LRRC28: variants seen among roughly 807,000 people sequenced by gnomAD.
LRRC28 encodes the protein leucine-rich repeat-containing protein 28.
In LRRC28, 39 loss-of-function variants were observed where a neutral mutation model predicts 45.7. The observed-to-expected ratio is 0.85, with a 90% confidence interval of 0.66 to 1.12. The LOEUF is 1.12. Ranked by LOEUF, LRRC28 falls within the 50% of genes most tolerant of loss-of-function variation. The pLI, the probability that LRRC28 is intolerant of heterozygous loss-of-function variation, is 0.00. For synonymous variants in LRRC28, 206 were observed against 178.8 expected (o/e 1.15, Z -1.22); for missense variants, 435 against 438.5 (o/e 0.99, Z 0.07).
intron 6 of LRRC28, among the ~76,000 whole-genome samples, chr15:99,339,702 GCAA>G (rs1956441606): frequency 6.7e-6 from 1 of 148,176 alleles, no homozygotes; most frequent in East Asian, 1.9e-4. Flanking sequence ...TCCAGCCTGA[GCAA>G]CAGAGTGAGA....
intron 2 of LRRC28, among the ~76,000 whole-genome samples, chr15:99,271,381 C>T (rs1441578829): frequency 5.4e-5 from 8 of 149,422 alleles, no homozygotes; most frequent in Non-Finnish European, 7.4e-5. Context: ...TGGGTTCAAG[C>T]GATTCTCCTG....
chr15:99,269,807 T>C (rs1023565637), intron 2 of LRRC28, among the ~76,000 whole-genome samples: 14 of 152,200 alleles, frequency 9.2e-5, no homozygotes, highest in Non-Finnish European at 1.8e-4. Context: ...TCTGCCATAT[T>C]GGACAACACA....
chr15:99,315,998 T>C (rs1012579794), intron 5 of LRRC28, among the ~76,000 whole-genome samples: 2 of 152,210 alleles, frequency 1.3e-5, no homozygotes, highest in African/African-American at 4.8e-5. Context: ...AAAAGCATCA[T>C]ACATTTTAAA....
intron 5 of LRRC28, among the ~76,000 whole-genome samples, chr15:99,297,508 C>G (rs2082296891): frequency 1.3e-5 from 2 of 150,286 alleles, no homozygotes; most frequent in Admixed American, 6.6e-5. Flanking sequence ...AAGTGATCCT[C>G]GTGCTTTGGC....
intron 3 of LRRC28, among the ~76,000 whole-genome samples, chr15:99,279,728 A>G (rs1273901608): frequency 6.6e-6 from 1 of 152,052 alleles, no homozygotes; most frequent in Non-Finnish European, 1.5e-5. Context: ...TTCTTGGATA[A>G]ATTCTCCCTG....
intron 6 of LRRC28, among the ~76,000 whole-genome samples, chr15:99,346,126 C>T (rs1451830742): frequency 6.6e-6 from 1 of 152,178 alleles, no homozygotes; most frequent in Non-Finnish European, 1.5e-5. Flanking sequence ...GGACTCTAGA[C>T]ATGGGCCACA....
intron 5 of LRRC28, among the ~76,000 whole-genome samples, chr15:99,317,700 A>G (rs1247799028): frequency 6.6e-6 from 1 of 152,162 alleles, no homozygotes; most frequent in African/African-American, 2.4e-5. Flanking sequence ...CAAATATTAT[A>G]GGAGAGTAGA....
chr15:99,273,810 A>G (rs2081547075), intron 2 of LRRC28, among the ~76,000 whole-genome samples: 1 of 152,216 alleles, frequency 6.6e-6, no homozygotes, highest in Non-Finnish European at 1.5e-5. Context: ...TTAGCCAGAT[A>G]TAGTATTGGT....
chr15:99,313,925 C>G (rs1251559690), intron 5 of LRRC28, among the ~76,000 whole-genome samples: 4 of 152,032 alleles, frequency 2.6e-5, no homozygotes, highest in Non-Finnish European at 5.9e-5. Flanking sequence ...GTGACAGGAG[C>G]CATCCCAACC....
At chr15:99,261,247 T>C (rs1246444221) in intron 2 of LRRC28, among the ~76,000 whole-genome samples, 1 of 152,250 alleles carries the variant, frequency 6.6e-6, no homozygotes, top group Non-Finnish European at 1.5e-5. Flanking sequence ...TATGCCCTTA[T>C]GTCAAACAAC....
intron 6 of LRRC28, among the ~76,000 whole-genome samples, chr15:99,336,020 C>G (rs1956309539): frequency 6.6e-6 from 1 of 152,106 alleles, no homozygotes; most frequent in African/African-American, 2.4e-5. Flanking sequence ...GTTGTTAAGT[C>G]TGGGGTCGCC....
chr15:99,292,801 A>G (rs1300216041), intron 5 of LRRC28, among the ~76,000 whole-genome samples: 1 of 152,192 alleles, frequency 6.6e-6, no homozygotes, highest in East Asian at 1.9e-4. Flanking sequence ...TCAGTCAGGG[A>G]TGATAGCAGC....
chr15:99,353,113 T>C (rs551746786), intron 7 of LRRC28, among the ~76,000 whole-genome samples: 1 of 152,342 alleles, frequency 6.6e-6, no homozygotes, highest in African/African-American at 2.4e-5. Flanking sequence ...TCTACAACGC[T>C]GGCACAGAAC....
At chr15:99,340,373 C>G (rs1169497186) in intron 6 of LRRC28, among the ~76,000 whole-genome samples, 1 of 152,164 alleles carries the variant, frequency 6.6e-6, no homozygotes, top group Non-Finnish European at 1.5e-5. Context: ...CTTGTTTTTT[C>G]TATTGCCTCT....
At position 99,385,881 on chromosome 15, in the gene LRRC28, G is replaced by C; in HGVS notation, c.1032-149G>C. ...ATACTTCACCTGATTCCAGTGCTCA[G>C]TTTGAAAAGGAAATTTAAATTTCTA... On this transcript the variant is annotated intron_variant, in intron 9 of 9. Transcript: ENST00000301981. The C allele has an allele frequency of 5.7e-6, 4 of 707,574 alleles. No individual in the cohort carries two copies. In the East Asian group the frequency reaches 1.0e-4, roughly 18 times the overall value. 43.8% of individuals were successfully genotyped at this position (707,574 alleles called of 1,614,324 possible).
At chr15:99,259,191 A>G in intron 2 of LRRC28, 3 of 1,114,616 alleles carry the variant, frequency 2.7e-6, no homozygotes, top group African/African-American at 3.1e-5. Context: ...AGCCTACACC[A>G]GGATGTTGAA....
At chr15:99,327,173 G>C (rs927103922) in intron 5 of LRRC28, among the ~76,000 whole-genome samples, 5 of 151,980 alleles carry the variant, frequency 3.3e-5, no homozygotes, top group African/African-American at 1.2e-4. Context: ...CCCCCGGGTT[G>C]AAGCAATTCT....
chr15:99,280,652 C>T (rs2081760928), intron 3 of LRRC28, among the ~76,000 whole-genome samples: 1 of 151,986 alleles, frequency 6.6e-6, no homozygotes, highest in Non-Finnish European at 1.5e-5. Context: ...ATTTTTTACA[C>T]TAATTTTAAG....
chr15:99,292,981 C>G (rs751378606), intron 5 of LRRC28, among the ~76,000 whole-genome samples: 1 of 152,162 alleles, frequency 6.6e-6, no homozygotes, highest in African/African-American at 2.4e-5. Flanking sequence ...CCTCCTTCTT[C>G]CCAACTGACT....
Sources: gnomAD v4.1 joint callset for allele counts (sites outside exome capture counted in the v4.1 genomes callset) on GRCh38, gnomAD v4.1.1 for gene constraint, MANE v1.5 for transcripts, NCBI Gene and HGNC (gene_info 2026-07-23, HGNC 2026-07-21) for gene names.